Variants in GPC6 observed in about 807,000 individuals in gnomAD.
The protein encoded by GPC6 is glypican-6.
In GPC6, 14 loss-of-function variants were observed where a neutral mutation model predicts 55.2. The observed-to-expected ratio is 0.25, with a 90% CI of 0.17 to 0.40. GPC6 has a LOEUF of 0.40. GPC6 is among the 10% of genes least tolerant of loss of function. GPC6 has a pLI of 1.00. For missense variants in GPC6, 641 were observed against 708.5 expected, an observed-to-expected ratio of 0.90 and a Z score of 1.08; for synonymous variants, 278 against 259.6, an observed-to-expected ratio of 1.07 and a Z score of -0.68.
intron 1 of GPC6, among the ~76,000 whole-genome samples, chr13:93,490,789 G>A (rs1404695646): frequency 1.8e-5 from 2 of 113,886 alleles, no homozygotes; most frequent in Non-Finnish European, 3.5e-5. Context: ...TTGTTCTTGC[G>A]ATAGTTTACT....
intron 1 of GPC6, among the ~76,000 whole-genome samples, chr13:93,363,431 G>A (rs866099094): frequency 1.6e-4 from 25 of 152,010 alleles, no homozygotes; most frequent in Middle Eastern, 3.4e-3. Flanking sequence ...GATGATTTCC[G>A]ATTTCATCCA....
intron 6 of GPC6, among the ~76,000 whole-genome samples, chr13:94,339,119 A>C (rs1877884537): frequency 6.6e-6 from 1 of 151,878 alleles, no homozygotes; most frequent in Admixed American, 6.6e-5. Context: ...GGCTAGAGTG[A>C]AGTGGCGCAA....
At chr13:93,479,609 C>CG (rs1879433199) in intron 1 of GPC6, among the ~76,000 whole-genome samples, 1 of 18,684 alleles carries the variant, frequency 5.4e-5, no homozygotes, top group South Asian at 1.2e-3. Flanking sequence ...CGTGGTGAGA[C>CG]CCCCCCCCAT....
At chr13:94,184,997 C>T (rs1442343132) in intron 4 of GPC6, among the ~76,000 whole-genome samples, 3 of 151,988 alleles carry the variant, frequency 2.0e-5, no homozygotes, top group East Asian at 1.9e-4. Context: ...TGCAGCAACA[C>T]AGATGGAGGT....
At chr13:93,859,228 A>G (rs2139023762) in intron 3 of GPC6, among the ~76,000 whole-genome samples, 1 of 151,766 alleles carries the variant, frequency 6.6e-6, no homozygotes, top group South Asian at 2.1e-4. Context: ...ACAAACATGT[A>G]CTTATACCAG....
chr13:94,107,127 C>G (rs549014723), intron 4 of GPC6, among the ~76,000 whole-genome samples: 4 of 152,206 alleles, frequency 2.6e-5, no homozygotes, highest in Admixed American at 6.5e-5. Flanking sequence ...CATGAGGACT[C>G]TCAGCTCAGA....
In GPC6 at chr13:93,706,808, G is replaced by T. The variant is rs546308673; in HGVS notation, c.320-123346G>T. Among the ~76,000 whole-genome samples, 208 of 151,968 alleles carry T rather than the reference G, an allele frequency of 1.4e-3. 1 individual carries two copies. The highest frequency in any genetic ancestry group is 4.8e-3 in the African/African-American group (201 of 41,488). On this transcript the variant is annotated intron_variant, in intron 2 of 8. Coordinates refer to ENST00000377047, the MANE Select transcript of GPC6 (RefSeq NM_005708.5). The stretch of plus-strand genomic sequence containing the variant: ...AAAGAAAAAAAACCATGCAGCTCTT[G>T]CTCTTGAGGAGCTTACAGTCTAGTG...
intron 1 of GPC6, among the ~76,000 whole-genome samples, chr13:93,266,243 A>G (rs1877319611): frequency 6.6e-6 from 1 of 152,190 alleles, no homozygotes; most frequent in Admixed American, 6.5e-5. Flanking sequence ...GTATCATGAT[A>G]GTTTCTAATT....
chr13:93,816,704 G>T (rs1594482024), intron 2 of GPC6, among the ~76,000 whole-genome samples: 3 of 147,864 alleles, frequency 2.0e-5, no homozygotes, highest in African/African-American at 2.5e-5. Flanking sequence ...TGTTAATTTT[G>T]GAAAATTAGA....
intron 5 of GPC6, among the ~76,000 whole-genome samples, chr13:94,289,301 C>T (rs956107468): frequency 6.6e-6 from 1 of 152,108 alleles, no homozygotes; most frequent in African/African-American, 2.4e-5. Flanking sequence ...TTGTCCTCAA[C>T]CAGTTTGTCT....
chr13:94,051,999 C>G (rs1883964057), intron 4 of GPC6, among the ~76,000 whole-genome samples: 1 of 152,058 alleles, frequency 6.6e-6, no homozygotes, highest in Admixed American at 6.6e-5. Flanking sequence ...CAGAGTTTCT[C>G]CATGTAAGGT....
Position 93,830,436 on chromosome 13 carries a change from G to T in GPC6, c.602G>T (p.Gly201Val). 1 of 1,613,834 alleles carries T rather than the reference G, an allele frequency of 6.2e-7. No individual in the cohort carries two copies. The highest frequency in any genetic ancestry group is 1.1e-5 in the South Asian group (1 of 91,064). Residue 201 changes from glycine to valine, a missense_variant, in exon 3 of 9, where the codon GGA (glycine) becomes GTA (valine). Physicochemically the swap from Gly to Val is moderately radical, Grantham distance 109. Coordinates refer to ENST00000377047, the MANE Select transcript of GPC6 (RefSeq NM_005708.5). Reference protein sequence around the residue: ...SKYTDQLKPFGDVPRKLKIQV... With the variant: ...SKYTDQLKPFVDVPRKLKIQV... ...TACACTGACCAGCTCAAGCCATTTG[G>T]AGACGTGCCCCGGAAACTGAAGATT...
At chr13:93,475,585 C>T (rs960087550) in intron 1 of GPC6, among the ~76,000 whole-genome samples, 3 of 152,090 alleles carry the variant, frequency 2.0e-5, no homozygotes, top group Non-Finnish European at 2.9e-5. Flanking sequence ...AGAGAGGCAA[C>T]GATCTATGTG....
intron 2 of GPC6, among the ~76,000 whole-genome samples, chr13:93,755,927 A>G (rs946778578): frequency 6.6e-6 from 1 of 152,176 alleles, no homozygotes; most frequent in African/African-American, 2.4e-5. Context: ...ATTTTTGTGT[A>G]AGAGAGATGT....
chr13:94,001,882 T>C (rs1381580061), intron 3 of GPC6, among the ~76,000 whole-genome samples: 1 of 152,112 alleles, frequency 6.6e-6, no homozygotes, highest in Non-Finnish European at 1.5e-5. Flanking sequence ...ACAACTTCAC[T>C]GAACCAAAAT....
chr13:93,396,336 G>T (rs1367592041), intron 1 of GPC6, among the ~76,000 whole-genome samples: 3 of 152,118 alleles, frequency 2.0e-5, no homozygotes, highest in Non-Finnish European at 1.5e-5. Context: ...AGGCCGAGGT[G>T]GGCGGATCAT....
chr13:93,227,190 G>A lies in GPC6; in HGVS notation c.-267G>A. 1 of 382,102 alleles carries A rather than the reference G, an allele frequency of 2.6e-6. No homozygotes were observed. The highest frequency in any genetic ancestry group is 4.7e-6 in the Non-Finnish European group (1 of 212,630). 23.7% of individuals were successfully genotyped at this position (382,102 alleles called of 1,614,324 possible). The stretch of plus-strand genomic sequence containing the variant: ...TTTCCTTCTCTTCCTCGTTTTGATT[G>A]CACCGTTTCCATCTGGGGGCTAGAG... On this transcript the variant is annotated 5_prime_UTR_variant, in exon 1 of 9. Coordinates refer to ENST00000377047, the MANE Select transcript of GPC6 (RefSeq NM_005708.5). This position sits in a 1 kb window ranked among gnomAD's most constrained non-coding sequence, Gnocchi z 4.3.
chr13:94,398,393 T>G, intron 7 of GPC6, 73 bp from the exon 8 acceptor site: 1 of 1,139,462 alleles, frequency 8.8e-7, no homozygotes, highest in Non-Finnish European at 1.3e-6. Context: ...TCATCTGGTT[T>G]TGCATGGCAG....
At chr13:94,278,816 T>A (rs1892288954) in intron 4 of GPC6, among the ~76,000 whole-genome samples, 1 of 152,230 alleles carries the variant, frequency 6.6e-6, no homozygotes, top group Admixed American at 6.5e-5. Flanking sequence ...TGGTTTTTGA[T>A]GTGCTACTGA....
Sources: gnomAD v4.1 joint callset for allele counts (sites outside exome capture counted in the v4.1 genomes callset) on GRCh38, gnomAD v4.1.1 for gene constraint, Gnocchi (gnomAD v3.1) non-coding constraint, MANE v1.5 for transcripts, NCBI Gene and HGNC (gene_info 2026-07-23, HGNC 2026-07-21) for gene names.